Variants in CNKSR2 observed in about 807,000 individuals in gnomAD.
CNKSR2 encodes connector enhancer of kinase suppressor of Ras 2.
A neutral mutation model predicts 84.4 loss-of-function variants in CNKSR2; 14 were observed. The ratio of observed to expected loss-of-function variants is 0.17; its 90% CI spans 0.11 to 0.26. CNKSR2 has a LOEUF of 0.26. Among genes scored for constraint, CNKSR2 ranks in the 10% least tolerant of loss-of-function variants. The pLI is 1.00. For synonymous variants in CNKSR2, 275 were observed against 277.9 expected (o/e 0.99, Z 0.10); for missense variants, 485 against 771.2 (o/e 0.63, Z 4.40).
chrX:21,537,495 A>G (rs1337366248), intron 11 of CNKSR2, among the ~76,000 whole-genome samples: 4 of 111,307 alleles, frequency 3.6e-5, no homozygotes, highest in South Asian at 3.7e-4. Context: ...ATAGGGGTCT[A>G]TCTCTCCCTT....
intron 4 of CNKSR2, among the ~76,000 whole-genome samples, chrX:21,446,324 T>C (rs1041042777): frequency 3.6e-5 from 4 of 111,526 alleles, no homozygotes; most frequent in Non-Finnish European, 7.6e-5. Flanking sequence ...AGGAATGTTA[T>C]ATATGTGCAC....
rs1234518874 is a variant in CNKSR2, at chrX:21,374,603, A to G, written c.-295A>G. 2 of 485,801 alleles carry G rather than the reference A, an allele frequency of 4.1e-6. No individual in the cohort carries two copies. The highest frequency in any genetic ancestry group is 3.6e-6 in the Non-Finnish European group (1 of 276,335). 40.0% of individuals were successfully genotyped at this position (485,801 alleles called of 1,213,427 possible). On this transcript the variant is annotated 5_prime_UTR_variant, in exon 1 of 22. Coordinates refer to ENST00000379510, the MANE Select transcript of CNKSR2 (RefSeq NM_014927.5). ...GGAGCGGAGCGGCGGAGGCAGCAGCAGCAGCAGCAGCAGCAGCAGCAGCAG... is the reference window on the plus strand; with the variant it reads ...GGAGCGGAGCGGCGGAGGCAGCAGCGGCAGCAGCAGCAGCAGCAGCAGCAG...
At chrX:21,500,462 C>T (rs977295407) in intron 7 of CNKSR2, among the ~76,000 whole-genome samples, 8 of 110,916 alleles carry the variant, frequency 7.2e-5, no homozygotes, top group Admixed American at 4.8e-4. Flanking sequence ...TAGATAATAA[C>T]GAAGAGTATC....
chrX:21,630,376 C>G (rs1392651214), intron 20 of CNKSR2, among the ~76,000 whole-genome samples: 1 of 112,285 alleles, frequency 8.9e-6, no homozygotes, highest in Non-Finnish European at 1.9e-5. Flanking sequence ...ACACATTAAT[C>G]TATTACAAAT....
chrX:21,601,378 T>C, intron 18 of CNKSR2, 29 bp downstream of exon 18: 1 of 922,696 alleles, frequency 1.1e-6, no homozygotes, highest in South Asian at 2.3e-5. Context: ...AAAATAATTA[T>C]GTTATACTTT....
intron 3 of CNKSR2, 78 bp from the exon 4 acceptor site, chrX:21,440,616 A>G (rs769555297): frequency 1.9e-5 from 8 of 417,967 alleles, no homozygotes; most frequent in Middle Eastern, 1.2e-3. Context: ...TTATTGATAA[A>G]CTCATTTTAG....
chrX:21,567,273 T>A (rs1200295426), intron 13 of CNKSR2, among the ~76,000 whole-genome samples: 1 of 112,215 alleles, frequency 8.9e-6, no homozygotes, highest in African/African-American at 3.2e-5. Flanking sequence ...CTGTACATGG[T>A]AGGACAGGTA....
chrX:21,651,817 T>C (rs988017940), intron 21 of CNKSR2, among the ~76,000 whole-genome samples: 1 of 111,788 alleles, frequency 8.9e-6, no homozygotes, highest in Non-Finnish European at 1.9e-5. Context: ...ACAGCAAGAA[T>C]TATGTATTTG....
At position 21,374,789 on chromosome X, in the gene CNKSR2, C is replaced by T. The variant is rs1016948647; in HGVS notation, c.-109C>T. The stretch of plus-strand genomic sequence containing the variant: ...CAAAAGCCGCTTTCTCCGCGCCGCC[C>T]GCCCAGGGAGGCTGCGGCCAGCAAG... On this transcript the variant is annotated 5_prime_UTR_variant, in exon 1 of 22. Transcript: ENST00000379510. 3.3e-5 allele frequency: 23 copies of T among 687,593 alleles called. No individual in the cohort carries two copies. Among genetic ancestry groups the T allele is most frequent in the Non-Finnish European group, 5.2e-5 (22 of 425,743 alleles). The allele number at this position is 687,593 out of a possible 1,213,427, so 56.7% of individuals were successfully genotyped here. A position where few individuals can be genotyped will look rare whatever the true frequency, so the allele number is the denominator to read the frequency against.
chrX:21,510,967 A>G (rs1467823389), intron 8 of CNKSR2, among the ~76,000 whole-genome samples: 1 of 111,888 alleles, frequency 8.9e-6, no homozygotes, highest in East Asian at 2.8e-4. Context: ...GTAAAAATGC[A>G]TATGGTGGTT....
intron 13 of CNKSR2, among the ~76,000 whole-genome samples, chrX:21,569,474 C>G (rs940614879): frequency 8.9e-6 from 1 of 111,918 alleles, no homozygotes; most frequent in Admixed American, 9.5e-5. Context: ...TTCTAGTTCT[C>G]TTGTTATTTC....
chrX:21,382,556 T>C (rs1206370363), intron 1 of CNKSR2, among the ~76,000 whole-genome samples: 1 of 111,300 alleles, frequency 9.0e-6, no homozygotes, highest in African/African-American at 3.3e-5. Flanking sequence ...TGATCAGATG[T>C]CTTAATTTTG....
chrX:21,579,578 A>T (rs1444457909), intron 13 of CNKSR2, among the ~76,000 whole-genome samples: 1 of 112,302 alleles, frequency 8.9e-6, no homozygotes, highest in East Asian at 2.8e-4. Context: ...AATTTTTATC[A>T]TATGGTTATT....
intron 3 of CNKSR2, among the ~76,000 whole-genome samples, chrX:21,433,577 C>T (rs1038723670): frequency 5.5e-5 from 6 of 108,374 alleles, no homozygotes; most frequent in African/African-American, 2.0e-4. Flanking sequence ...CTTTGTCTTT[C>T]ATAAGAAACT....
chrX:21,413,087 A>G (rs1051527109), intron 1 of CNKSR2, among the ~76,000 whole-genome samples: 1 of 111,143 alleles, frequency 9.0e-6, no homozygotes, highest in African/African-American at 3.3e-5. Flanking sequence ...AGCCTCTGGC[A>G]GCCCCATTCT....
intron 4 of CNKSR2, among the ~76,000 whole-genome samples, chrX:21,470,421 C>G (rs762455295): frequency 9.0e-6 from 1 of 111,188 alleles, no homozygotes; most frequent in Non-Finnish European, 1.9e-5. Context: ...GACATTTCAA[C>G]AGAATACATT....
chrX:21,437,193 G>C (rs1290301259), intron 3 of CNKSR2, among the ~76,000 whole-genome samples: 1 of 110,953 alleles, frequency 9.0e-6, no homozygotes, highest in Non-Finnish European at 1.9e-5. Flanking sequence ...TGAACATCAA[G>C]TGAGATTCTT....
intron 8 of CNKSR2, among the ~76,000 whole-genome samples, chrX:21,515,398 G>A (rs916911458): frequency 1.8e-5 from 2 of 111,063 alleles, no homozygotes; most frequent in Admixed American, 9.6e-5. Flanking sequence ...TGGATGCCTA[G>A]AAAGAAACTG....
chrX:21,380,964 G>C (rs1244881606), intron 1 of CNKSR2, among the ~76,000 whole-genome samples: 1 of 111,781 alleles, frequency 8.9e-6, no homozygotes, highest in Non-Finnish European at 1.9e-5. Context: ...GCTTTTTATT[G>C]TTTAGTGTCT....
Sources: gnomAD v4.1 joint callset for allele counts (sites outside exome capture counted in the v4.1 genomes callset) on GRCh38, gnomAD v4.1.1 for gene constraint, MANE v1.5 for transcripts, NCBI Gene and HGNC (gene_info 2026-07-23, HGNC 2026-07-21) for gene names.